The following THNSL1 variants were observed in gnomAD, a reference collection of about 807,000 sequenced individuals.
THNSL1 encodes the protein threonine synthase-like 1.
Under a neutral mutation model 50.4 loss-of-function variants are expected in THNSL1, and 48 were observed. The ratio of observed to expected loss-of-function variants is 0.95; its 90% CI spans 0.76 to 1.21. The LOEUF (loss-of-function observed/expected upper bound fraction) is 1.21, where lower values mean the gene tolerates loss of function less well. Among genes scored for constraint, THNSL1 ranks in the 50% most tolerant of loss-of-function variants. The pLI is 0.00. For synonymous variants in THNSL1, 309 were observed against 306.1 expected, an observed-to-expected ratio of 1.01 and a Z score of -0.10; for missense variants, 896 against 871.7, an observed-to-expected ratio of 1.03 and a Z score of -0.35.
At chr10:24,997,819 A>ATATATATATATG in the THNSL1 span, among the ~76,000 whole-genome samples, 729 of 151,610 alleles carry the variant, frequency 4.8e-3, 11 homozygotes, top group African/African-American at 0.017. Flanking sequence ...ATATATATAT[A>ATATATATATATG]TATATATGTT....
chr10:25,018,656 G>GTTTT (rs149978118), intron 1 of THNSL1, among the ~76,000 whole-genome samples: 1 of 77,742 alleles, frequency 1.3e-5, no homozygotes, highest in South Asian at 4.9e-4. Context: ...ACAAATGAGA[G>GTTTT]TTGTTTTTTT....
At chr10:24,954,836 A>G in the THNSL1 span, among the ~76,000 whole-genome samples, 1 of 152,198 alleles carries the variant, frequency 6.6e-6, no homozygotes, top group Non-Finnish European at 1.5e-5. Flanking sequence ...GATAACCCAA[A>G]TAGTATTTGC....
the THNSL1 span, among the ~76,000 whole-genome samples, chr10:24,956,441 C>T: frequency 4.0e-5 from 6 of 150,308 alleles, no homozygotes; most frequent in Non-Finnish European, 7.4e-5. Flanking sequence ...TACATTTTAG[C>T]AGTAGTTTCT....
chr10:24,956,641 T>G, the THNSL1 span, among the ~76,000 whole-genome samples: 1 of 152,110 alleles, frequency 6.6e-6, no homozygotes, highest in East Asian at 1.9e-4. Flanking sequence ...TCTCAAGCAT[T>G]TTTCTTTTCT....
At chr10:24,976,695 T>C in the THNSL1 span, among the ~76,000 whole-genome samples, 1 of 152,072 alleles carries the variant, frequency 6.6e-6, no homozygotes, top group East Asian at 1.9e-4. Flanking sequence ...GTTTTCACCA[T>C]GTTGGCCAGG....
chr10:24,976,043 T>C, the THNSL1 span, among the ~76,000 whole-genome samples: 3 of 152,222 alleles, frequency 2.0e-5, no homozygotes, highest in Non-Finnish European at 2.9e-5. Context: ...AATTGTCACA[T>C]GCACTGTCAC....
At chr10:25,016,022 C>G (rs958456852), upstream of THNSL1, 2 of 1,521,522 alleles carry the variant, frequency 1.3e-6, no homozygotes, top group African/African-American at 1.4e-5. Context: ...CACTGCTTCC[C>G]CTTTCTTTCT....
the THNSL1 span, among the ~76,000 whole-genome samples, chr10:24,971,813 G>A: frequency 1.3e-5 from 2 of 152,176 alleles, no homozygotes; most frequent in African/African-American, 4.8e-5. Flanking sequence ...GCAACATCAT[G>A]CACAGAGGAA....
At chr10:25,016,361 T>C (rs935328315), upstream of THNSL1, among the ~76,000 whole-genome samples, 9 of 152,190 alleles carry the variant, frequency 5.9e-5, no homozygotes, top group South Asian at 1.0e-3. Context: ...TCTGTGTATC[T>C]GGGGAAAAAA....
At chr10:24,985,080 GA>G in the THNSL1 span, among the ~76,000 whole-genome samples, 2 of 152,192 alleles carry the variant, frequency 1.3e-5, no homozygotes, top group African/African-American at 4.8e-5. Context: ...ATACTGTACA[GA>G]GGCCAAATCC....
upstream of THNSL1, among the ~76,000 whole-genome samples, chr10:25,013,938 G>A (rs529806699): frequency 3.6e-4 from 53 of 146,620 alleles, no homozygotes; most frequent in Non-Finnish European, 5.7e-4. Context: ...GTGAAACTCC[G>A]TCTTGAAAAA....
chr10:24,990,201 T>A, the THNSL1 span, among the ~76,000 whole-genome samples: 9 of 152,184 alleles, frequency 5.9e-5, no homozygotes, highest in African/African-American at 2.2e-4. Context: ...TAGAGGAAGG[T>A]AGGCTTCCTT....
the THNSL1 span, chr10:24,995,685 A>C: frequency 6.2e-7 from 1 of 1,613,992 alleles, no homozygotes; most frequent in Non-Finnish European, 8.5e-7. Context: ...CTGAAGGCTC[A>C]AGATCATGCT....
the THNSL1 span, among the ~76,000 whole-genome samples, chr10:25,005,275 G>A: frequency 1.3e-5 from 2 of 152,082 alleles, no homozygotes; most frequent in African/African-American, 4.8e-5. Flanking sequence ...AACTAAAATT[G>A]TCATCTTCAG....
At chr10:25,014,396 C>T (rs2132727197), upstream of THNSL1, among the ~76,000 whole-genome samples, 1 of 151,872 alleles carries the variant, frequency 6.6e-6, no homozygotes, top group Admixed American at 6.6e-5. Context: ...ATAGTAAAAC[C>T]AAGAAGTCTG....
At chr10:24,991,404 C>A in the THNSL1 span, among the ~76,000 whole-genome samples, 1 of 151,930 alleles carries the variant, frequency 6.6e-6, no homozygotes, top group East Asian at 1.9e-4. Flanking sequence ...GCCTATAAAA[C>A]CCCCCGAGAC....
Position 25,021,852 on chromosome 10 carries a change from A to C in THNSL1, c.-105A>C, listed in dbSNP as rs1850725304. ...GTGGAAATTAAGCACAACACATATA[A>C]ATTGAAAAGTCAAATAAGGAAATGA... On this transcript the variant is annotated 5_prime_UTR_variant, in exon 2 of 3. Coordinates refer to ENST00000376356, the MANE Select transcript of THNSL1 (RefSeq NM_024838.5). 6.6e-6 allele frequency: 1 copy of C among 152,196 alleles called. No individual in the cohort carries two copies. Among genetic ancestry groups the C allele is most frequent in the Admixed American group, 6.5e-5 (1 of 15,276 alleles). 9.4% of individuals were successfully genotyped at this position (152,196 alleles called of 1,614,324 possible).
the THNSL1 span, among the ~76,000 whole-genome samples, chr10:24,960,748 A>G: frequency 6.8e-6 from 1 of 147,284 alleles, no homozygotes; most frequent in Non-Finnish European, 1.5e-5. Context: ...CACTGCACCC[A>G]GCCTATTTTT....
In THNSL1 at chr10:25,024,148, A is replaced by G. The variant is rs917870403; in HGVS notation, c.925A>G (p.Arg309Gly). The change falls in exon 3 of 3, where the codon AGG (arginine) becomes GGG (glycine). Residue 309 changes from arginine (R) to glycine (G), a missense_variant. Physicochemically the swap from Arg to Gly is moderately radical, Grantham distance 125. Coordinates refer to ENST00000376356, the MANE Select transcript of THNSL1 (RefSeq NM_024838.5). The stretch of plus-strand genomic sequence containing the variant: ...CCATCCTGCAGACATACCTGCTGCC[A>G]GGTTGGGAGAAATGATTGAAACTGC... Reference protein sequence around the residue: ...CIHPADIPAARLGEMIETAYG... With the variant: ...CIHPADIPAAGLGEMIETAYG... 17 of 1,614,082 alleles carry G rather than the reference A, an allele frequency of 1.1e-5. No homozygotes were observed. The highest frequency in any genetic ancestry group is 1.4e-5 in the Non-Finnish European group (16 of 1,180,024).
Sources: allele counts gnomAD v4.1 joint callset (sites outside exome capture counted in the v4.1 genomes callset), GRCh38; gene constraint gnomAD v4.1.1; transcripts MANE v1.5; gene names NCBI Gene and HGNC (gene_info 2026-07-23, HGNC 2026-07-21).